The following PPP3R1 variants were observed in gnomAD, a reference collection of about 807,000 sequenced individuals.
PPP3R1 encodes the protein protein phosphatase 3 regulatory subunit B, alpha.
Under a neutral mutation model 22.6 loss-of-function variants are expected in PPP3R1, and 5 were observed. The ratio of observed to expected loss-of-function variants is 0.22; its 90% CI spans 0.12 to 0.46. The LOEUF (loss-of-function observed/expected upper bound fraction) is 0.46. PPP3R1 is among the 20% of genes least tolerant of loss of function. The pLI, the probability that PPP3R1 is intolerant of heterozygous loss-of-function variation, is 0.99. For missense variants in PPP3R1, 61 were observed against 203.2 expected (o/e 0.30, Z 4.25); for synonymous variants, 56 against 65.2 (o/e 0.86, Z 0.68).
At chr2:68,209,975 GA>G (rs1226651977) in intron 2 of PPP3R1, among the ~76,000 whole-genome samples, 8 of 152,272 alleles carry the variant, frequency 5.3e-5, no homozygotes, top group Admixed American at 4.6e-4. Context: ...TGTTTTGGGG[GA>G]AAAAAAAGGA....
intron 2 of PPP3R1, among the ~76,000 whole-genome samples, chr2:68,189,203 T>C (rs1674610530): frequency 6.8e-6 from 1 of 147,508 alleles, no homozygotes; most frequent in Non-Finnish European, 1.5e-5. Context: ...AAAGTTTCCC[T>C]CCCTTCCCAC....
chr2:68,229,880 A>ATG (rs1427662750), intron 1 of PPP3R1, among the ~76,000 whole-genome samples: 3 of 149,458 alleles, frequency 2.0e-5, no homozygotes, highest in Non-Finnish European at 3.0e-5. Context: ...GTGTGTATGT[A>ATG]TGTGTGTATA....
rs905155177 is a variant in PPP3R1 at position 68,252,470 on chromosome 2, C to G, written c.-343G>C. On this transcript the variant is annotated 5_prime_UTR_variant, in exon 1 of 6. Transcript: ENST00000234310. Reference sequence around the variant, plus strand: ...GAAACTCGGGGGCTGCAGCCTCGCGCTCGCGCCGGAGCCGTGACGGACTCA... The same window carrying G: ...GAAACTCGGGGGCTGCAGCCTCGCGGTCGCGCCGGAGCCGTGACGGACTCA... 8 of 988,666 alleles carry G rather than the reference C, an allele frequency of 8.1e-6. No homozygotes were observed. The highest frequency in any genetic ancestry group is 9.6e-6 in the Non-Finnish European group (8 of 832,688). The allele number at this position is 988,666 out of a possible 1,614,324, so 61.2% of individuals were successfully genotyped here. A position where few individuals can be genotyped will look rare whatever the true frequency, so the allele number is the denominator to read the frequency against.
intron 1 of PPP3R1, among the ~76,000 whole-genome samples, chr2:68,241,237 A>G (rs770754374): frequency 4.9e-4 from 74 of 152,026 alleles, no homozygotes; most frequent in Non-Finnish European, 9.4e-4. Flanking sequence ...TCACCTCTGG[A>G]TTACTTGCAA....
chr2:68,198,267 A>G (rs945002064), intron 2 of PPP3R1, among the ~76,000 whole-genome samples: 4 of 141,806 alleles, frequency 2.8e-5, no homozygotes, highest in Admixed American at 1.4e-4. Flanking sequence ...GTATACATAC[A>G]TATGTGTATG....
intron 2 of PPP3R1, among the ~76,000 whole-genome samples, chr2:68,198,086 A>G (rs1361227965): frequency 7.3e-6 from 1 of 136,234 alleles, no homozygotes; most frequent in South Asian, 2.2e-4. Flanking sequence ...AAAAAAAAAA[A>G]AAAGCATATA....
At chr2:68,242,122 G>C (rs1473259342) in intron 1 of PPP3R1, among the ~76,000 whole-genome samples, 1 of 152,126 alleles carries the variant, frequency 6.6e-6, no homozygotes, top group African/African-American at 2.4e-5. Flanking sequence ...TCACTGAACT[G>C]TGGTGGACTG....
intron 2 of PPP3R1, among the ~76,000 whole-genome samples, chr2:68,207,236 A>G (rs63121261): frequency 7.0e-6 from 1 of 142,724 alleles, no homozygotes; most frequent in Admixed American, 7.0e-5. Context: ...AAAAAAAAAA[A>G]GCATGTAAGA....
intron 1 of PPP3R1, among the ~76,000 whole-genome samples, chr2:68,229,181 T>A (rs1208059648): frequency 6.7e-6 from 1 of 148,666 alleles, no homozygotes; most frequent in African/African-American, 2.5e-5. Flanking sequence ...AGCTAATTAT[T>A]TTTTTTTTTT....
At position 68,186,546 on chromosome 2, in the gene PPP3R1, T is replaced by C. The variant is rs1377899017; in HGVS notation, c.387A>G (p.Leu129=). The C allele has an allele frequency of 6.2e-7, 1 of 1,613,108 alleles. No individual in the cohort carries two copies. Among genetic ancestry groups the C allele is most frequent in the Non-Finnish European group, 8.5e-7 (1 of 1,179,158 alleles). ...TTATGGTTTTGTCTACAATTTGCTG[T>C]AACTGTGTATCTTTCAGATTGTTCC... is the stretch of plus-strand genomic sequence containing the variant. ...MVGNNLKDTQ[L]QQIVDKTIIN... is the part of the protein sequence containing the mutation. The change falls in exon 5 of 6, where the codon TTA becomes TTG. Residue 129 remains leucine, a synonymous_variant. Transcript: ENST00000234310.
At chr2:68,191,486 G>C (rs2103727481) in intron 2 of PPP3R1, among the ~76,000 whole-genome samples, 1 of 152,282 alleles carries the variant, frequency 6.6e-6, no homozygotes, top group Non-Finnish European at 1.5e-5. Flanking sequence ...AGCTGCTCTG[G>C]GTGAGCCAGT....
intron 1 of PPP3R1, among the ~76,000 whole-genome samples, chr2:68,219,810 G>C (rs1669651018): frequency 6.6e-6 from 1 of 152,072 alleles, no homozygotes; most frequent in Non-Finnish European, 1.5e-5. Context: ...AAGTCCTAAA[G>C]CTAACATGTT....
At chr2:68,214,787 T>A (rs947552289) in intron 2 of PPP3R1, among the ~76,000 whole-genome samples, 3 of 152,198 alleles carry the variant, frequency 2.0e-5, no homozygotes, top group Non-Finnish European at 4.4e-5. Context: ...GTATATATCC[T>A]AATGAATATA....
In PPP3R1 at chr2:68,238,159, A is replaced by G. The variant is rs889142784; in HGVS notation, c.3+13966T>C. 2.6e-5 allele frequency among the ~76,000 whole-genome samples: 4 copies of G among 152,192 alleles called. No homozygotes were observed. In the Middle Eastern group the frequency reaches 0.014, roughly 518 times the overall value. ...TAGATGACTAATATAACTTAGCTCC[A>G]TTGCACCTCTGCATTAAGTGACAGA... is the stretch of plus-strand genomic sequence containing the variant. On this transcript the variant is annotated intron_variant, in intron 1 of 5. Coordinates refer to ENST00000234310, the MANE Select transcript of PPP3R1 (RefSeq NM_000945.4).
In PPP3R1 at chr2:68,242,167, G is replaced by A. The variant is rs117485603; in HGVS notation, c.3+9958C>T. The stretch of plus-strand genomic sequence containing the variant: ...AAATGCACCAGGCGCGGTGGCTCAC[G>A]CGTGTAATACCAGCAATTTGGGAGG... On this transcript the variant is annotated intron_variant, in intron 1 of 5. Coordinates refer to ENST00000234310, the MANE Select transcript of PPP3R1 (RefSeq NM_000945.4). Among the ~76,000 whole-genome samples the A allele has an allele frequency of 5.1e-3, 782 of 152,288 alleles. 11 individuals carry two copies. The highest frequency in any genetic ancestry group is 0.038 in the Admixed American group (583 of 15,304).
chr2:68,190,253 CTT>C (rs776761694), intron 2 of PPP3R1, among the ~76,000 whole-genome samples: 1 of 50,918 alleles, frequency 2.0e-5, no homozygotes, highest in African/African-American at 1.3e-4. Flanking sequence ...GCAAGTTTCT[CTT>C]AAAAAAAAAA....
chr2:68,233,953 G>C (rs1260919884), intron 1 of PPP3R1, among the ~76,000 whole-genome samples: 1 of 152,132 alleles, frequency 6.6e-6, no homozygotes, highest in African/African-American at 2.4e-5. Flanking sequence ...AAAAAAAACA[G>C]AGAAATAACA....
At chr2:68,247,693 A>G (rs1670262840) in intron 1 of PPP3R1, among the ~76,000 whole-genome samples, 1 of 152,172 alleles carries the variant, frequency 6.6e-6, no homozygotes, top group Non-Finnish European at 1.5e-5. Flanking sequence ...GTGCTCAACA[A>G]ATATTTGCTG....
At chr2:68,218,731 T>G (rs72832026) in intron 1 of PPP3R1, among the ~76,000 whole-genome samples, 4 of 86,116 alleles carry the variant, frequency 4.6e-5, no homozygotes, top group Admixed American at 2.3e-4. Flanking sequence ...ACTGTGAGTT[T>G]TTTTTTTTTT....
Sources: gnomAD v4.1 joint callset for allele counts (sites outside exome capture counted in the v4.1 genomes callset) on GRCh38, gnomAD v4.1.1 for gene constraint, MANE v1.5 for transcripts, NCBI Gene and HGNC (gene_info 2026-07-23, HGNC 2026-07-21) for gene names.